OXSR1: variants seen among roughly 807,000 people sequenced by gnomAD.
OXSR1 encodes serine/threonine-protein kinase OSR1.
In OXSR1, 24 loss-of-function variants were observed where a neutral mutation model predicts 79.8. The ratio of observed to expected loss-of-function variants is 0.30; its 90% confidence interval spans 0.22 to 0.42. The LOEUF (loss-of-function observed/expected upper bound fraction) is 0.42, where lower values mean the gene tolerates loss of function less well. OXSR1 is among the 10% of genes least tolerant of loss of function. OXSR1 has a pLI of 1.00. For missense variants in OXSR1, 430 were observed against 618.4 expected (o/e 0.70, Z 3.23); for synonymous variants, 226 against 209.2 (o/e 1.08, Z -0.69).
chr3:38,251,503 TG>T, intron 16 of OXSR1, 32 bp downstream of exon 16: 1 of 1,531,542 alleles, frequency 6.5e-7, no homozygotes. Context: ...CATGTGCTCC[TG>T]TGTCTCTGTC....
At chr3:38,237,011 G>C in intron 11 of OXSR1, 50 bp downstream of exon 11, 1 of 1,547,892 alleles carries the variant, frequency 6.5e-7, no homozygotes, top group Non-Finnish European at 8.8e-7. Context: ...TGTAGTTCTT[G>C]TTCAGCTTAA....
chr3:38,229,201 T>C (rs1162328780), intron 8 of OXSR1, among the ~76,000 whole-genome samples: 1 of 152,184 alleles, frequency 6.6e-6, no homozygotes, highest in Non-Finnish European at 1.5e-5. Flanking sequence ...AAATCTGTTT[T>C]TAGGGATCTG....
chr3:38,214,009 C>CT (rs1174876818), intron 4 of OXSR1, among the ~76,000 whole-genome samples: 2 of 152,048 alleles, frequency 1.3e-5, no homozygotes, highest in Admixed American at 1.3e-4. Flanking sequence ...CTTAACTGGT[C>CT]TCCTTTTGAT....
intron 4 of OXSR1, among the ~76,000 whole-genome samples, chr3:38,207,586 A>G (rs1702291716): frequency 6.6e-6 from 1 of 152,178 alleles, no homozygotes; most frequent in Admixed American, 6.5e-5. Context: ...ACTGACATGT[A>G]ATGGGTGGAG....
chr3:38,247,892 A>G (rs879428309), intron 14 of OXSR1, among the ~76,000 whole-genome samples, 160 bp downstream of exon 14: 4 of 152,194 alleles, frequency 2.6e-5, no homozygotes, highest in Non-Finnish European at 5.9e-5. Context: ...AATAATAGCA[A>G]CAGTGTGAGG....
At chr3:38,174,706 T>G (rs1701647049) in intron 1 of OXSR1, among the ~76,000 whole-genome samples, 1 of 152,220 alleles carries the variant, frequency 6.6e-6, no homozygotes, top group Non-Finnish European at 1.5e-5. Context: ...GGTCAGATTC[T>G]GGATATAGCA....
intron 1 of OXSR1, among the ~76,000 whole-genome samples, chr3:38,172,410 C>A (rs1575304396): frequency 6.6e-6 from 1 of 152,228 alleles, no homozygotes; most frequent in South Asian, 2.1e-4. Context: ...TATTGCCCTG[C>A]ATCTTGAAAA....
chr3:38,193,150 A>T (rs989983002), intron 3 of OXSR1: 20 of 517,486 alleles, frequency 3.9e-5, no homozygotes, highest in Non-Finnish European at 5.9e-5. Flanking sequence ...GAGATGATAC[A>T]TGTAAATCAT....
chr3:38,230,551 C>T, intron 10 of OXSR1, 121 bp downstream of exon 10: 1 of 685,768 alleles, frequency 1.5e-6, no homozygotes, highest in Admixed American at 2.5e-5. Flanking sequence ...TCGATCCTTT[C>T]TAAAGCATTC....
intron 1 of OXSR1, among the ~76,000 whole-genome samples, chr3:38,171,291 A>G (rs540964262): frequency 1.3e-5 from 2 of 152,366 alleles, no homozygotes; most frequent in Non-Finnish European, 2.9e-5. Flanking sequence ...TGTTTGTTAC[A>G]TAGTATTTTA....
intron 12 of OXSR1, among the ~76,000 whole-genome samples, chr3:38,245,137 A>G (rs964119246): frequency 1.3e-5 from 2 of 152,178 alleles, no homozygotes; most frequent in African/African-American, 4.8e-5. Flanking sequence ...TTAAATGAAC[A>G]CAAAATTTTA....
At chr3:38,164,796 A>C (rs1394027280), upstream of OXSR1, among the ~76,000 whole-genome samples, 1 of 152,054 alleles carries the variant, frequency 6.6e-6, no homozygotes, top group Admixed American at 6.5e-5. Flanking sequence ...AATGGACAGA[A>C]CCCGCCCAGT....
intron 1 of OXSR1, among the ~76,000 whole-genome samples, chr3:38,174,715 C>T (rs894798138): frequency 3.3e-5 from 5 of 152,066 alleles, no homozygotes; most frequent in Non-Finnish European, 7.4e-5. Context: ...CTGGATATAG[C>T]ATATTTTTTG....
intron 10 of OXSR1, 61 bp from the exon 11 acceptor site, chr3:38,236,778 G>A: frequency 7.0e-7 from 1 of 1,435,808 alleles, no homozygotes. Flanking sequence ...GAGAAATATG[G>A]AGTTTTCTAC....
At chr3:38,176,907 A>C (rs2125804102) in intron 1 of OXSR1, among the ~76,000 whole-genome samples, 1 of 152,338 alleles carries the variant, frequency 6.6e-6, no homozygotes, top group South Asian at 2.1e-4. Context: ...TTTTAACCCC[A>C]GCATGGTTTT....
At chr3:38,216,010 C>T in intron 4 of OXSR1, 86 bp from the exon 5 acceptor site, 2 of 780,050 alleles carry the variant, frequency 2.6e-6, no homozygotes, top group Non-Finnish European at 4.3e-6. Context: ...GCTAGTATTA[C>T]ATGAATATAG....
intron 2 of OXSR1, among the ~76,000 whole-genome samples, chr3:38,188,771 T>C (rs960333376): frequency 5.3e-5 from 8 of 152,212 alleles, no homozygotes; most frequent in East Asian, 1.9e-4. Flanking sequence ...GCAGTGTTAA[T>C]GCAGGAAACT....
At chr3:38,165,998 C>T in intron 1 of OXSR1, 52 bp downstream of exon 1, 1 of 1,526,834 alleles carries the variant, frequency 6.5e-7, no homozygotes, top group African/African-American at 1.4e-5. Flanking sequence ...AGGCGGGGGA[C>T]ACGGGAACGT....
At chr3:38,230,546 C>T in intron 10 of OXSR1, 116 bp downstream of exon 10, 1 of 719,848 alleles carries the variant, frequency 1.4e-6, no homozygotes. Context: ...TTCTGTCGAT[C>T]CTTTCTAAAG....
Sources: gnomAD v4.1 joint callset for allele counts (sites outside exome capture counted in the v4.1 genomes callset) on GRCh38, gnomAD v4.1.1 for gene constraint, MANE v1.5 for transcripts, NCBI Gene and HGNC (gene_info 2026-07-23, HGNC 2026-07-21) for gene names.